Variants in USP13 observed in about 807,000 individuals in gnomAD.
USP13 encodes ubiquitin carboxyl-terminal hydrolase 13.
A neutral mutation model predicts 107.8 loss-of-function variants in USP13; 68 were observed. The observed-to-expected ratio is 0.63, with a 90% CI of 0.52 to 0.77. USP13 has a LOEUF of 0.77. Among genes scored for constraint, USP13 ranks in the 30% least tolerant of loss-of-function variants. The pLI is 0.00. For missense variants in USP13, 945 were observed against 1,093.3 expected (o/e 0.86, Z 1.91); for synonymous variants, 377 against 389.5 (o/e 0.97, Z 0.38).
At chr3:179,776,873 T>G (rs1042413494) in intron 19 of USP13, among the ~76,000 whole-genome samples, 2 of 148,414 alleles carry the variant, frequency 1.3e-5, no homozygotes, top group Non-Finnish European at 3.0e-5. Flanking sequence ...TTTTTTTTTT[T>G]TTTTTTTTTT....
chr3:179,782,641 C>A (rs1317781266), intron 20 of USP13, among the ~76,000 whole-genome samples: 5 of 152,116 alleles, frequency 3.3e-5, no homozygotes, highest in Non-Finnish European at 7.4e-5. Context: ...CTCCATGGCT[C>A]CCACTGCAGG....
At chr3:179,723,580 T>C (rs1713402996) in intron 8 of USP13, among the ~76,000 whole-genome samples, 1 of 152,326 alleles carries the variant, frequency 6.6e-6, no homozygotes, top group African/African-American at 2.4e-5. Flanking sequence ...ACAGGCTTTA[T>C]GTTTTTGAGA....
chr3:179,734,463 C>T (rs999181268), intron 10 of USP13, among the ~76,000 whole-genome samples: 17 of 152,152 alleles, frequency 1.1e-4, no homozygotes, highest in African/African-American at 4.1e-4. Context: ...ATTTCTTAAG[C>T]GACAATTTAT....
Position 179,681,912 on chromosome 3 carries a change from C to T in USP13, c.203C>T (p.Thr68Ile). 1 of 1,613,912 alleles carries T rather than the reference C, an allele frequency of 6.2e-7. No homozygotes were observed. The highest frequency in any genetic ancestry group is 8.5e-7 in the Non-Finnish European group (1 of 1,179,922). Residue 68 changes from threonine (T) to isoleucine (I), a missense_variant, in exon 2 of 21, where the codon ACA becomes ATA. By Grantham distance (89) the Thr-to-Ile change is moderately conservative. Coordinates refer to ENST00000263966, the MANE Select transcript of USP13 (RefSeq NM_003940.3). ...SEGGLYVCMN[T>I]FLAFGREHVE... ...GGTGGACTCTATGTATGCATGAATA[C>T]ATTTTTGGCCTTTGGAAGGGAACAT...
At chr3:179,783,254 T>TA (rs1225611747) in intron 20 of USP13, among the ~76,000 whole-genome samples, 15 of 152,130 alleles carry the variant, frequency 9.9e-5, no homozygotes, top group African/African-American at 3.6e-4. Flanking sequence ...AGCCTAACAA[T>TA]AACCATTGTC....
Position 179,727,184 on chromosome 3 carries a change from T to TA in USP13, c.1089-3003dup, listed in dbSNP as rs1553794551. ...TAATGTTTTTTTTTTTTTTTTTTTT[T>TA]AATTGATCATTCTTGGGTGTTTCTC... On this transcript the variant is annotated intron_variant, in intron 8 of 20. Coordinates refer to ENST00000263966, the MANE Select transcript of USP13 (RefSeq NM_003940.3). Among the ~76,000 whole-genome samples the TA allele has an allele frequency of 1.0e-3, 128 of 125,738 alleles. 1 individual carries two copies. The highest frequency in any genetic ancestry group is 4.0e-3 in the African/African-American group (121 of 30,064). 82.5% of individuals were successfully genotyped at this position (125,738 alleles called of 152,430 possible).
chr3:179,720,077 G>A, intron 7 of USP13, 43 bp downstream of exon 7: 1 of 1,490,150 alleles, frequency 6.7e-7, no homozygotes, highest in Non-Finnish European at 9.2e-7. Context: ...GCATGGGGTA[G>A]GGGTGGGGAG....
chr3:179,760,809 T>C (rs1714983207), intron 16 of USP13, among the ~76,000 whole-genome samples: 1 of 152,186 alleles, frequency 6.6e-6, no homozygotes, highest in Non-Finnish European at 1.5e-5. Flanking sequence ...GTCTTGAGAA[T>C]GCTCTGAAAT....
Position 179,786,534 on chromosome 3 carries a change from G to C in USP13, c.*2393G>C, listed in dbSNP as rs2108562850. ...TTTTCTTCTGCCCCACAACACAAAG[G>C]GCTATTTCTACAAGGCAAAGTTTTG... On this transcript the variant is annotated 3_prime_UTR_variant, in exon 21 of 21. Coordinates refer to ENST00000263966, the MANE Select transcript of USP13 (RefSeq NM_003940.3). 6.6e-6 allele frequency: 1 copy of C among 152,560 alleles called. No individual in the cohort carries two copies. Among genetic ancestry groups the C allele is most frequent in the Admixed American group, 6.5e-5 (1 of 15,290 alleles). 9.5% of individuals were successfully genotyped at this position (152,560 alleles called of 1,614,324 possible). A position where few individuals can be genotyped will look rare whatever the true frequency, so the allele number is the denominator to read the frequency against.
intron 13 of USP13, among the ~76,000 whole-genome samples, chr3:179,750,316 AT>A: frequency 2.3e-5 from 1 of 44,398 alleles, no homozygotes; most frequent in East Asian, 1.3e-3. Context: ...ATATATATAT[AT>A]ATATGTGTGT....
At chr3:179,750,320 ATGTG>A (rs372126922) in intron 13 of USP13, among the ~76,000 whole-genome samples, 7 of 40,796 alleles carry the variant, frequency 1.7e-4, no homozygotes, top group African/African-American at 5.2e-4. Context: ...ATATATATAT[ATGTG>A]TGTATATATA....
rs560450039 is a variant in USP13 at position 179,779,478 on chromosome 3, C to T, written c.2414-2261C>T. Reference sequence around the variant, plus strand: ...CCAGGGGGTGGAGGTTGCAGTGAGCCGAGATTGCGCCACTGCACTCCAGAC... The same window carrying T: ...CCAGGGGGTGGAGGTTGCAGTGAGCTGAGATTGCGCCACTGCACTCCAGAC... On this transcript the variant is annotated intron_variant, in intron 19 of 20. Coordinates refer to ENST00000263966, the MANE Select transcript of USP13 (RefSeq NM_003940.3). Among the ~76,000 whole-genome samples, 597 of 151,766 alleles carry T rather than the reference C, an allele frequency of 3.9e-3. 6 individuals carry two copies. Among genetic ancestry groups the T allele is most frequent in the Non-Finnish European group, 2.9e-3 (194 of 67,906 alleles).
rs557277871 is a variant in USP13 at position 179,782,505 on chromosome 3, C to A, written c.2498+682C>A. Reference sequence around the variant, plus strand: ...TCAGAACCTTCTCCCTGGGCTGGATCCCTACAGGACCTACTGGTGCCCTTC... The same window carrying A: ...TCAGAACCTTCTCCCTGGGCTGGATACCTACAGGACCTACTGGTGCCCTTC... On this transcript the variant is annotated intron_variant, in intron 20 of 20. Transcript: ENST00000263966. 1.3e-3 allele frequency among the ~76,000 whole-genome samples: 193 copies of A among 152,218 alleles called. 1 individual carries two copies. The highest frequency in any genetic ancestry group is 4.5e-3 in the African/African-American group (185 of 41,540).
chr3:179,692,677 C>T (rs567485547), intron 3 of USP13, among the ~76,000 whole-genome samples: 4 of 152,304 alleles, frequency 2.6e-5, no homozygotes, highest in African/African-American at 7.2e-5. Context: ...CTAAACATTT[C>T]GACTTACCAT....
intron 2 of USP13, among the ~76,000 whole-genome samples, chr3:179,684,255 G>A (rs929909777): frequency 7.1e-6 from 1 of 140,264 alleles, no homozygotes; most frequent in African/African-American, 2.7e-5. Context: ...CACCACGCCT[G>A]GCAGTATCAC....
At chr3:179,716,790 CATCTCT>C (rs1254036926) in intron 6 of USP13, among the ~76,000 whole-genome samples, 1 of 152,150 alleles carries the variant, frequency 6.6e-6, no homozygotes, top group Non-Finnish European at 1.5e-5. Flanking sequence ...GCTTCTGGTT[CATCTCT>C]ATCTCTGTCT....
chr3:179,716,113 G>A (rs1244712698), intron 6 of USP13, among the ~76,000 whole-genome samples: 1 of 152,146 alleles, frequency 6.6e-6, no homozygotes, highest in Non-Finnish European at 1.5e-5. Flanking sequence ...TAGTAGAGAC[G>A]GGGTTTCTTC....
intron 3 of USP13, among the ~76,000 whole-genome samples, chr3:179,690,911 TATTCCCAGC>T (rs1437672514): frequency 6.6e-6 from 1 of 152,186 alleles, no homozygotes; most frequent in Non-Finnish European, 1.5e-5. Context: ...CTCACGCCTG[TATTCCCAGC>T]ACGTTGGGAG....
Position 179,653,422 on chromosome 3 carries a change from C to T in USP13, c.168+29C>T. The T allele has an allele frequency of 6.5e-7, 1 of 1,540,962 alleles. No individual in the cohort carries two copies. Among genetic ancestry groups the T allele is most frequent in the Non-Finnish European group, 8.8e-7 (1 of 1,140,482 alleles). On this transcript the variant is annotated intron_variant, in intron 1 of 20. Coordinates refer to ENST00000263966, the MANE Select transcript of USP13 (RefSeq NM_003940.3). This position sits in a 1 kb window ranked among gnomAD's most constrained non-coding sequence, Gnocchi z 4.0. ...AGTGAGGCGCCTCGGGGGAGGGTCG[C>T]GGGGCCGGCGGCCTGCGGCACGTGA...
Sources: allele counts gnomAD v4.1 joint callset (sites outside exome capture counted in the v4.1 genomes callset), GRCh38; gene constraint gnomAD v4.1.1; non-coding constraint Gnocchi (gnomAD v3.1); transcripts MANE v1.5; gene names NCBI Gene and HGNC (gene_info 2026-07-23, HGNC 2026-07-21).